Variants in ATM observed in about 807,000 individuals in gnomAD.
ATM encodes serine-protein kinase ATM.
ATM carries 308 observed loss-of-function variants against 387.0 expected under a neutral mutation model. The observed-to-expected ratio is 0.80, with a 90% CI of 0.73 to 0.87. The LOEUF (loss-of-function observed/expected upper bound fraction) is 0.87, where lower values mean the gene tolerates loss of function less well. ATM is among the 40% of genes least tolerant of loss of function. The probability of loss-of-function intolerance (pLI) is 0.00; values close to 1 mark genes in which losing one functional copy is unlikely to be tolerated. For missense variants in ATM, 3,312 were observed against 3,560.9 expected, an observed-to-expected ratio of 0.93 and a Z score of 1.78; for synonymous variants, 1,156 against 1,187.3, an observed-to-expected ratio of 0.97 and a Z score of 0.54.
rs786203309 is a variant in ATM, at chr11:108,268,560, T to G, written c.2789T>G (p.Leu930Ter). ...GATATTCGGAGGAAATTGTTAATGTTAATTGATTCTAGCACGCTAGAACCT... is the reference window on the plus strand; with the variant it reads ...GATATTCGGAGGAAATTGTTAATGTGAATTGATTCTAGCACGCTAGAACCT... ...AADIRRKLLM[L>*]IDSSTLEPTK... The change falls in exon 18 of 63, where the codon TTA becomes TGA. Residue 930 changes from leucine to a stop codon, truncating the protein, a stop_gained. Transcript: ENST00000675843. LOFTEE classifies it high-confidence loss of function. 3.1e-6 allele frequency: 5 copies of G among 1,614,076 alleles called. No individual in the cohort carries two copies. The highest frequency in any genetic ancestry group is 3.4e-6 in the Non-Finnish European group (4 of 1,179,998).
chr11:108,276,020 C>A (rs1267195729), intron 22 of ATM, among the ~76,000 whole-genome samples: 1 of 152,222 alleles, frequency 6.6e-6, no homozygotes, highest in Non-Finnish European at 1.5e-5. Flanking sequence ...TTAGTCTTTT[C>A]ATATAGTCCC....
intron 34 of ATM, among the ~76,000 whole-genome samples, chr11:108,301,271 A>T (rs1341498710): frequency 6.6e-6 from 1 of 152,188 alleles, no homozygotes; most frequent in Non-Finnish European, 1.5e-5. Context: ...ATTTTTCTTT[A>T]ACAGGGAAAA....
chr11:108,269,287 A>T (rs902822139), intron 18 of ATM, among the ~76,000 whole-genome samples: 1 of 152,072 alleles, frequency 6.6e-6, no homozygotes, highest in Non-Finnish European at 1.5e-5. Context: ...TTTATTTATC[A>T]TGACCTTCAT....
rs1555107231 is a variant in ATM at position 108,304,656 on chromosome 11, A to G, written c.5497-19A>G. On this transcript the variant is annotated intron_variant, in intron 36 of 62. Coordinates refer to ENST00000675843, the MANE Select transcript of ATM (RefSeq NM_000051.4). Reference sequence around the variant, plus strand: ...CATTTTTACTCAAACTATTGGGTGGATTTGTTTGTATATTCTAGGTGAAAA... The same window carrying G: ...CATTTTTACTCAAACTATTGGGTGGGTTTGTTTGTATATTCTAGGTGAAAA... 1 of 1,611,222 alleles carries G rather than the reference A, an allele frequency of 6.2e-7. No homozygotes were observed. The highest frequency in any genetic ancestry group is 8.5e-7 in the Non-Finnish European group (1 of 1,177,656).
chr11:108,356,515 G>T (rs118052871), intron 61 of ATM, among the ~76,000 whole-genome samples: 2 of 139,494 alleles, frequency 1.4e-5, no homozygotes, highest in African/African-American at 5.3e-5. Flanking sequence ...CAGCCTGGGC[G>T]ACAAGAGCAA....
chr11:108,256,089 C>A, intron 13 of ATM, 126 bp from the exon 14 acceptor site: 1 of 823,516 alleles, frequency 1.2e-6, no homozygotes, highest in South Asian at 2.1e-5. Context: ...CCAGGATATG[C>A]CACCTTTAAC....
intron 3 of ATM, among the ~76,000 whole-genome samples, chr11:108,228,389 G>A (rs1591449077): frequency 6.6e-6 from 1 of 152,148 alleles, no homozygotes; most frequent in Admixed American, 6.5e-5. Flanking sequence ...AAACAGGGTT[G>A]ATGCATTTTT....
Position 108,310,303 on chromosome 11 carries a change from A to T in ATM, c.5906A>T (p.Asp1969Val). Residue 1969 changes from aspartate to valine, a missense_variant, in exon 39 of 63, where the codon GAT becomes GTT. Physicochemically the swap from Asp to Val is radical, Grantham distance 152. Transcript: ENST00000675843. ...EIYADKKSMD[D>V]QEKRSLAFEE... ...TATGCAGATAAGAAAAGTATGGATG[A>T]TCAAGAGAAAAGGTAATGGAATTTA... The T allele has an allele frequency of 3.1e-6, 5 of 1,613,246 alleles. No individual in the cohort carries two copies. Among genetic ancestry groups the T allele is most frequent in the Non-Finnish European group, 4.2e-6 (5 of 1,179,512 alleles).
intron 5 of ATM, among the ~76,000 whole-genome samples, chr11:108,243,327 T>A (rs1186876691): frequency 1.3e-5 from 2 of 152,024 alleles, no homozygotes; most frequent in Non-Finnish European, 2.9e-5. Context: ...TAAAAAACTG[T>A]GGAGGCCAGG....
At chr11:108,360,252 G>C (rs2090560421) in intron 61 of ATM, among the ~76,000 whole-genome samples, 1 of 125,558 alleles carries the variant, frequency 8.0e-6, no homozygotes, top group Non-Finnish European at 1.8e-5. Context: ...CCAGGAAGAA[G>C]TTGAATCTCT....
At chr11:108,298,030 A>G (rs900500261) in intron 33 of ATM, among the ~76,000 whole-genome samples, 1 of 152,234 alleles carries the variant, frequency 6.6e-6, no homozygotes, top group Non-Finnish European at 1.5e-5. Context: ...TGTAGCAGAC[A>G]TAAGAATGAA....
At chr11:108,312,332 G>A in intron 39 of ATM, 79 bp from the exon 40 acceptor site, 1 of 1,096,840 alleles carries the variant, frequency 9.1e-7, no homozygotes, top group Non-Finnish European at 1.4e-6. Flanking sequence ...GTTTTTTTCT[G>A]TCAAAGTCTA....
chr11:108,227,527 C>A (rs1169004629), intron 1 of ATM, 68 bp from the exon 2 acceptor site: 2 of 987,928 alleles, frequency 2.0e-6, no homozygotes, highest in Non-Finnish European at 3.1e-6. Flanking sequence ...CATTTTTTCA[C>A]ACCTCTTTCT....
intron 40 of ATM, among the ~76,000 whole-genome samples, chr11:108,313,758 T>C (rs2084371707): frequency 6.6e-6 from 1 of 152,226 alleles, no homozygotes; most frequent in Non-Finnish European, 1.5e-5. Flanking sequence ...GTTGGAACTA[T>C]AGAATTATGC....
chr11:108,325,248 AGTTTTT>A, intron 45 of ATM, 56 bp from the exon 46 acceptor site: 1 of 907,834 alleles, frequency 1.1e-6, no homozygotes, highest in Non-Finnish European at 1.6e-6. Flanking sequence ...GAACTTACAT[AGTTTTT>A]TTTTTTTTTT....
chr11:108,322,767 C>G (rs1045077057), intron 45 of ATM, among the ~76,000 whole-genome samples: 1 of 151,952 alleles, frequency 6.6e-6, no homozygotes, highest in African/African-American at 2.4e-5. Context: ...CTCTTTATAA[C>G]TTTTTCCCTG....
rs762582522 is a variant in ATM, at chr11:108,235,719, A to G, written c.381A>G (p.Thr127=). The change falls in exon 5 of 63, where the codon ACA becomes ACG. Residue 127 remains threonine, a synonymous_variant. Transcript: ENST00000675843. ...AACTCTTAAATTATATCATGGATAC[A>G]GTGAAAGATTCATCTAATGGTGCTA... ...CQELLNYIMD[T]VKDSSNGAIY... The G allele has an allele frequency of 3.1e-6, 5 of 1,612,430 alleles. No homozygotes were observed. In the Admixed American group the frequency reaches 8.3e-5, roughly 27 times the overall value.
At chr11:108,327,898 A>G (rs112354339) in intron 48 of ATM, 140 bp downstream of exon 48, 1 of 771,998 alleles carries the variant, frequency 1.3e-6, no homozygotes. Flanking sequence ...AGCTCTGTAT[A>G]GTCTCTAGGG....
At chr11:108,310,591 C>CA (rs1417301461) in intron 39 of ATM, among the ~76,000 whole-genome samples, 1 of 151,918 alleles carries the variant, frequency 6.6e-6, no homozygotes, top group Non-Finnish European at 1.5e-5. Flanking sequence ...TGTATATTCC[C>CA]CATAATAGCC....
Sources: allele counts gnomAD v4.1 joint callset (sites outside exome capture counted in the v4.1 genomes callset), GRCh38; gene constraint gnomAD v4.1.1; transcripts MANE v1.5; gene names NCBI Gene and HGNC (gene_info 2026-07-23, HGNC 2026-07-21).